Variants in UHRF2 observed in about 807,000 individuals in gnomAD.
The protein encoded by UHRF2 is ubiquitin like with PHD and ring finger domains 2, also known as E3 ubiquitin-protein ligase UHRF2.
UHRF2 carries 23 observed loss-of-function variants against 96.8 expected under a neutral mutation model. That is an observed-to-expected ratio of 0.24 (90% confidence interval 0.17 to 0.34). The LOEUF (loss-of-function observed/expected upper bound fraction) is 0.34. Among genes scored for constraint, UHRF2 ranks in the 10% least tolerant of loss-of-function variants. The probability of loss-of-function intolerance (pLI) is 1.00; values close to 1 mark genes in which losing one functional copy is unlikely to be tolerated. For synonymous variants in UHRF2, 385 were observed against 332.6 expected (o/e 1.16, Z -1.72); for missense variants, 685 against 981.5 (o/e 0.70, Z 4.04).
At chr9:6,495,804 G>A (rs1160001824) in intron 10 of UHRF2, 1 of 152,190 alleles carries the variant, frequency 6.6e-6, no homozygotes, top group Non-Finnish European at 1.5e-5. Context: ...AGTGGTGGCA[G>A]TAATTATGAC....
At chr9:6,497,444 G>A in intron 11 of UHRF2, 84 bp downstream of exon 11, 2 of 1,480,692 alleles carry the variant, frequency 1.4e-6, no homozygotes, top group Non-Finnish European at 1.8e-6. Context: ...CTGTGGGTGG[G>A]CTCGAGGAAA....
rs1291331662 is a variant in UHRF2 at position 6,446,014 on chromosome 9, TAG to T, written c.644+11844_644+11845del. 8.9e-5 allele frequency among the ~76,000 whole-genome samples: 11 copies of T among 123,582 alleles called. No individual in the cohort carries two copies. In the Admixed American group the frequency reaches 8.9e-4, roughly 10 times the overall value. 81.1% of individuals were successfully genotyped at this position (123,582 alleles called of 152,430 possible). A position where few individuals can be genotyped will look rare whatever the true frequency, so the allele number is the denominator to read the frequency against. On this transcript the variant is annotated intron_variant, in intron 3 of 15. Coordinates refer to ENST00000276893, the MANE Select transcript of UHRF2 (RefSeq NM_152896.3). Reference sequence around the variant, plus strand: ...TTTTTTTTTTTTCCTGTTTTTGAGATAGAGTCTCACTCCCGTCACCCAGGCAG... The same window carrying T: ...TTTTTTTTTTTTCCTGTTTTTGAGATAGTCTCACTCCCGTCACCCAGGCAG...
chr9:6,428,011 C>A (rs531644308), intron 2 of UHRF2, among the ~76,000 whole-genome samples: 1 of 152,148 alleles, frequency 6.6e-6, no homozygotes, highest in Admixed American at 6.6e-5. Context: ...CCAGAAAGAT[C>A]GTACTTTCAA....
chr9:6,440,474 G>C (rs1821095620), intron 3 of UHRF2, among the ~76,000 whole-genome samples: 1 of 152,100 alleles, frequency 6.6e-6, no homozygotes, highest in Admixed American at 6.6e-5. Flanking sequence ...GCACAGACAT[G>C]GTACATATAA....
chr9:6,444,036 C>CTTGAG (rs1003866972), intron 3 of UHRF2, among the ~76,000 whole-genome samples: 1 of 152,108 alleles, frequency 6.6e-6, no homozygotes, highest in Admixed American at 6.5e-5. Context: ...AACTGATTTT[C>CTTGAG]TTGAGTATAT....
At chr9:6,459,016 A>G (rs187626547) in intron 3 of UHRF2, among the ~76,000 whole-genome samples, 21 of 152,278 alleles carry the variant, frequency 1.4e-4, no homozygotes, top group African/African-American at 4.3e-4. Context: ...AAGTTGAACA[A>G]TGAGAACCCA....
intron 6 of UHRF2, among the ~76,000 whole-genome samples, chr9:6,479,893 G>GT (rs1251702550): frequency 1.3e-5 from 2 of 151,990 alleles, no homozygotes; most frequent in Admixed American, 1.3e-4. Context: ...TTGAACTTCT[G>GT]TAACGGATGT....
rs1454956939 is a variant in UHRF2, at chr9:6,422,611, A to T, written c.384+1469A>T. ...AAAGACTTGACTTCTCCATTAACTT[A>T]GATCTTTTCTTTTTTTGAGACAGGG... On this transcript the variant is annotated intron_variant, in intron 2 of 15. Transcript: ENST00000276893. 4.8e-6 allele frequency: 3 copies of T among 625,804 alleles called. No homozygotes were observed. In the East Asian group the frequency reaches 9.0e-5, roughly 19 times the overall value. 38.8% of individuals were successfully genotyped at this position (625,804 alleles called of 1,614,324 possible). A position where few individuals can be genotyped will look rare whatever the true frequency, so the allele number is the denominator to read the frequency against.
Position 6,417,442 on chromosome 9 carries a change from C to A in UHRF2, c.154-3470C>A, listed in dbSNP as rs569415192. Among the ~76,000 whole-genome samples the A allele has an allele frequency of 4.6e-5, 7 of 152,274 alleles. No individual in the cohort carries two copies. The South Asian group carries it at 1.2e-3, about 27-fold the overall frequency. The stretch of plus-strand genomic sequence containing the variant: ...TCTAAATGACCGCTTCCTTTTTTCC[C>A]TACTTAGAGCTTAATTTGAGTGTCA... On this transcript the variant is annotated intron_variant, in intron 1 of 15. Transcript: ENST00000276893.
At chr9:6,420,747 C>T (rs550029786) in intron 1 of UHRF2, among the ~76,000 whole-genome samples, 165 bp from the exon 2 acceptor site, 24 of 151,422 alleles carry the variant, frequency 1.6e-4, no homozygotes, top group African/African-American at 5.6e-4. Context: ...TATTGGGGTC[C>T]AGAGAAGACA....
chr9:6,490,728 A>G (rs548711909), intron 9 of UHRF2, among the ~76,000 whole-genome samples: 2 of 152,312 alleles, frequency 1.3e-5, no homozygotes, highest in East Asian at 3.9e-4. Context: ...ACATTTGTGG[A>G]GATAAGTACT....
At chr9:6,454,172 A>G (rs974814764) in intron 3 of UHRF2, among the ~76,000 whole-genome samples, 2 of 152,202 alleles carry the variant, frequency 1.3e-5, no homozygotes, top group Non-Finnish European at 2.9e-5. Context: ...TTTCCCAAGT[A>G]TACACAGTGG....
chr9:6,419,584 T>C (rs1819807629), intron 1 of UHRF2, among the ~76,000 whole-genome samples: 1 of 152,210 alleles, frequency 6.6e-6, no homozygotes, highest in African/African-American at 2.4e-5. Flanking sequence ...AATGTCTTTA[T>C]GAAAAATAAG....
intron 15 of UHRF2, among the ~76,000 whole-genome samples, chr9:6,505,659 A>G (rs904489394): frequency 6.6e-6 from 1 of 152,226 alleles, no homozygotes; most frequent in African/African-American, 2.4e-5. Context: ...TATAAAATTC[A>G]TTTCTAAGCA....
chr9:6,446,427 G>A (rs1228113841), intron 3 of UHRF2, among the ~76,000 whole-genome samples: 1 of 149,930 alleles, frequency 6.7e-6, no homozygotes, highest in East Asian at 2.0e-4. Flanking sequence ...ACAGGCGTGA[G>A]CCACCATGCC....
intron 4 of UHRF2, among the ~76,000 whole-genome samples, chr9:6,461,359 CCT>C (rs1822527129): frequency 1.0e-5 from 1 of 96,798 alleles, no homozygotes; most frequent in African/African-American, 4.2e-5. Context: ...CTCTCCCCCC[CCT>C]CCTCCTCTCC....
At chr9:6,415,638 G>T (rs547413182) in intron 1 of UHRF2, 1 of 152,290 alleles carries the variant, frequency 6.6e-6, no homozygotes, top group South Asian at 2.1e-4. Flanking sequence ...AGTGAAAAAT[G>T]TCATAAATTG....
chr9:6,449,743 G>C (rs778612659), intron 3 of UHRF2, among the ~76,000 whole-genome samples: 11 of 152,178 alleles, frequency 7.2e-5, no homozygotes, highest in Non-Finnish European at 1.0e-4. Context: ...CTGAACACTT[G>C]CTTCTGGGAG....
intron 2 of UHRF2, among the ~76,000 whole-genome samples, chr9:6,421,716 C>G (rs1249587794): frequency 6.6e-6 from 1 of 152,210 alleles, no homozygotes; most frequent in Admixed American, 6.5e-5. Context: ...CTCGCCCAGC[C>G]TTAAATACCT....
Sources: allele counts gnomAD v4.1 joint callset (sites outside exome capture counted in the v4.1 genomes callset), GRCh38; gene constraint gnomAD v4.1.1; transcripts MANE v1.5; gene names NCBI Gene and HGNC (gene_info 2026-07-23, HGNC 2026-07-21).